CPAMD8: variants seen among roughly 807,000 people sequenced by gnomAD.
The protein encoded by CPAMD8 is C3 and PZP like alpha-2-macroglobulin domain containing 8.
Under a neutral mutation model 224.7 loss-of-function variants are expected in CPAMD8, and 146 were observed. The ratio of observed to expected loss-of-function variants is 0.65; its 90% CI spans 0.57 to 0.75. The LOEUF (loss-of-function observed/expected upper bound fraction) is 0.75. CPAMD8 is among the 30% of genes least tolerant of loss of function. The pLI is 0.00. For synonymous variants in CPAMD8, 966 were observed against 1,044.6 expected, an observed-to-expected ratio of 0.92 and a Z score of 1.45; for missense variants, 2,301 against 2,537.5, an observed-to-expected ratio of 0.91 and a Z score of 2.00.
Position 16,914,665 on chromosome 19 carries a change from C to G in CPAMD8, c.3778G>C (p.Asp1260His), listed in dbSNP as rs776066399. Reference sequence around the variant, plus strand: ...CTCAAGGGGCCACTCACCTGGATGTCCTTGTTCAGGACCCTGCCCACGGCC... The same window carrying G: ...CTCAAGGGGCCACTCACCTGGATGTGCTTGTTCAGGACCCTGCCCACGGCC... ...FLAVGRVLNK[D>H]IQGGIHGTVP... The change falls in exon 28 of 42, where the codon GAC (aspartate) becomes CAC (histidine). Residue 1260 changes from aspartate to histidine, a missense_variant. Physicochemically the swap from Asp to His is moderately conservative, Grantham distance 81 (BLOSUM62 -1). Around this residue, in one of 4 missense-constraint regions of CPAMD8, gnomAD observed 1,709 missense variants for 1,753.2 expected, o/e 0.97. Coordinates refer to ENST00000443236, the MANE Select transcript of CPAMD8 (RefSeq NM_015692.5). 6.2e-7 allele frequency: 1 copy of G among 1,614,042 alleles called. No homozygotes were observed. Among genetic ancestry groups the G allele is most frequent in the Non-Finnish European group, 8.5e-7 (1 of 1,179,950 alleles).
At chr19:16,987,356 C>A (rs891589748) in intron 13 of CPAMD8, among the ~76,000 whole-genome samples, 1 of 151,372 alleles carries the variant, frequency 6.6e-6, no homozygotes, top group Non-Finnish European at 1.5e-5. Flanking sequence ...TCTGCCCAAG[C>A]AAGACAGCAG....
intron 17 of CPAMD8, among the ~76,000 whole-genome samples, chr19:16,974,135 G>GC (rs1363344979): frequency 1.3e-5 from 2 of 149,466 alleles, no homozygotes; most frequent in Non-Finnish European, 3.0e-5. Flanking sequence ...GCCAGCATTA[G>GC]CCCTTTTTTT....
chr19:16,997,787 G>A (rs2056181964), intron 10 of CPAMD8, among the ~76,000 whole-genome samples: 2 of 152,082 alleles, frequency 1.3e-5, no homozygotes, highest in South Asian at 4.1e-4. Context: ...AGGAGGCAGA[G>A]GTTGAGGTGA....
chr19:17,020,639 T>C lies in CPAMD8; in HGVS notation c.245-286A>G, dbSNP rs151068779. 1.9e-3 allele frequency among the ~76,000 whole-genome samples: 293 copies of C among 152,284 alleles called. 1 individual carries two copies. The highest frequency in any genetic ancestry group is 3.0e-3 in the Non-Finnish European group (207 of 68,032). On this transcript the variant is annotated intron_variant, in intron 2 of 41. Transcript: ENST00000443236. ...CTTGATTTACTTCACCCCTGGCTCCTGTCCAAACTAAGCTGTGAGGGGAGT... is the reference window on the plus strand; with the variant it reads ...CTTGATTTACTTCACCCCTGGCTCCCGTCCAAACTAAGCTGTGAGGGGAGT...
chr19:16,971,902 C>T (rs1352351325), intron 17 of CPAMD8, among the ~76,000 whole-genome samples: 2 of 151,972 alleles, frequency 1.3e-5, no homozygotes, highest in Non-Finnish European at 2.9e-5. Flanking sequence ...CAAGAATTAG[C>T]CAGGCATGGT....
intron 8 of CPAMD8, among the ~76,000 whole-genome samples, chr19:17,003,556 G>T (rs2056397210): frequency 6.6e-6 from 1 of 151,530 alleles, no homozygotes; most frequent in Admixed American, 6.6e-5. Flanking sequence ...TGAGGCGGAA[G>T]GATTGCTTGA....
intron 27 of CPAMD8, among the ~76,000 whole-genome samples, chr19:16,918,262 T>G (rs1022376974): frequency 2.0e-5 from 3 of 152,144 alleles, no homozygotes; most frequent in African/African-American, 7.2e-5. Context: ...CCCAAAGTGC[T>G]GGGATTCCAA....
chr19:17,019,131 T>C (rs1033836308), intron 3 of CPAMD8, among the ~76,000 whole-genome samples: 4 of 152,212 alleles, frequency 2.6e-5, no homozygotes, highest in African/African-American at 9.6e-5. Context: ...TTTTGTTTTG[T>C]TTTGTTTTTT....
chr19:16,929,052 T>C lies in CPAMD8; in HGVS notation c.3034A>G (p.Ile1012Val), dbSNP rs767665158. Residue 1012 changes from isoleucine (I) to valine (V), a missense_variant, in exon 24 of 42, where the codon ATC becomes GTC. By Grantham distance (29) the Ile-to-Val change is conservative. This residue lies in a region of CPAMD8 where 1,709 missense variants were observed against 1,753.2 expected (regional missense o/e 0.97). Transcript: ENST00000443236. ...LGGHQNTRSW[I>V]STSKMGEPVA... Reference sequence around the variant, plus strand: ...GGCTCTCCCATCTTGCTGGTGGAGATCCATGACCTGGTGTTCTGATGCCCC... The same window carrying C: ...GGCTCTCCCATCTTGCTGGTGGAGACCCATGACCTGGTGTTCTGATGCCCC... 5 of 1,613,826 alleles carry C rather than the reference T, an allele frequency of 3.1e-6. No individual in the cohort carries two copies. The highest frequency in any genetic ancestry group is 1.1e-5 in the South Asian group (1 of 91,072).
intron 3 of CPAMD8, among the ~76,000 whole-genome samples, chr19:17,018,109 G>C (rs2056859613): frequency 6.6e-6 from 1 of 151,620 alleles, no homozygotes; most frequent in African/African-American, 2.4e-5. Context: ...CATACAAAAG[G>C]AACTATCTCA....
rs1568438261 is a variant in CPAMD8 at position 16,893,185 on chromosome 19, C to G, written c.5581G>C (p.Val1861Leu). ...GAHRPGLLSP[V>L]FVYSPAFQSG... The stretch of plus-strand genomic sequence containing the variant: ...TGAAAGGCTGGGCTGTAGACGAAGA[C>G]AGGGCTCAGAAGCCCTGGCCTGTGG... Residue 1861 changes from valine to leucine, a missense_variant, in exon 42 of 42, where the codon GTC (valine) becomes CTC (leucine). Transcript: ENST00000443236. The G allele has an allele frequency of 5.0e-6, 8 of 1,598,848 alleles. No homozygotes were observed. The highest frequency in any genetic ancestry group is 6.8e-6 in the Non-Finnish European group (8 of 1,169,464).
chr19:16,908,692 A>G (rs976831964), intron 29 of CPAMD8, among the ~76,000 whole-genome samples: 2 of 152,216 alleles, frequency 1.3e-5, no homozygotes, highest in Non-Finnish European at 1.5e-5. Context: ...TGGTCATAGA[A>G]AGAATGTTTC....
chr19:17,023,748 A>T (rs988884353), intron 1 of CPAMD8, among the ~76,000 whole-genome samples: 2 of 151,798 alleles, frequency 1.3e-5, no homozygotes, highest in African/African-American at 4.8e-5. Context: ...CACCCAGCTA[A>T]TTTTTGTATT....
chr19:16,967,894 T>TGTGTATATATGTGCATATATACACACAC (rs1568540094), intron 18 of CPAMD8, among the ~76,000 whole-genome samples: 8 of 17,236 alleles, frequency 4.6e-4, no homozygotes, highest in Non-Finnish European at 2.2e-3. Context: ...CACACACATG[T>TGTGTATATATGTGCATATATACACACAC]GTGTGTATAT....
chr19:16,995,030 C>A (rs1007134528), intron 11 of CPAMD8, among the ~76,000 whole-genome samples: 8 of 152,172 alleles, frequency 5.3e-5, no homozygotes, highest in Non-Finnish European at 1.0e-4. Context: ...CGCTCTTTAC[C>A]AAATTTGTAG....
At chr19:16,953,846 T>A (rs536410290) in intron 19 of CPAMD8, among the ~76,000 whole-genome samples, 1 of 151,982 alleles carries the variant, frequency 6.6e-6, no homozygotes, top group Admixed American at 6.6e-5. Flanking sequence ...CCAAAGAAGA[T>A]AGACAAATGA....
intron 23 of CPAMD8, among the ~76,000 whole-genome samples, chr19:16,933,975 T>C (rs1025419357): frequency 2.0e-5 from 3 of 152,206 alleles, no homozygotes; most frequent in African/African-American, 7.2e-5. Flanking sequence ...TTGTGATATA[T>C]CCATTCAATG....
At chr19:16,956,690 C>T (rs952353781) in intron 19 of CPAMD8, among the ~76,000 whole-genome samples, 24 of 151,160 alleles carry the variant, frequency 1.6e-4, no homozygotes, top group Admixed American at 1.5e-3. Flanking sequence ...TTTTTTGAGA[C>T]GGAGTCTTGC....
intron 19 of CPAMD8, among the ~76,000 whole-genome samples, chr19:16,952,669 C>T (rs1457524413): frequency 2.6e-5 from 4 of 151,908 alleles, no homozygotes; most frequent in African/African-American, 9.7e-5. Flanking sequence ...AGAGTGAGAT[C>T]CCTGTCACAC....
Sources: gnomAD v4.1 joint callset for allele counts (sites outside exome capture counted in the v4.1 genomes callset) on GRCh38, gnomAD v4.1.1 for gene constraint, gnomAD v4.1.1 regional missense constraint, MANE v1.5 for transcripts, NCBI Gene and HGNC (gene_info 2026-07-23, HGNC 2026-07-21) for gene names.